The following THSD7A variants were observed in gnomAD, a reference collection of about 807,000 sequenced individuals.
The protein encoded by THSD7A is thrombospondin type-1 domain-containing protein 7A.
Under a neutral mutation model 231.3 loss-of-function variants are expected in THSD7A, and 96 were observed. That is an observed-to-expected ratio of 0.41 (90% CI 0.35 to 0.49). THSD7A has a LOEUF of 0.49. Ranked by LOEUF, THSD7A falls within the 20% of genes least tolerant of loss-of-function variation. The pLI is 0.05. For synonymous variants in THSD7A, 940 were observed against 743.3 expected, an observed-to-expected ratio of 1.26 and a Z score of -4.30; for missense variants, 2,290 against 2,070.2, an observed-to-expected ratio of 1.11 and a Z score of -2.06.
At chr7:11,700,522 T>C (rs183059921) in intron 1 of THSD7A, among the ~76,000 whole-genome samples, 3 of 151,350 alleles carry the variant, frequency 2.0e-5, no homozygotes, top group Admixed American at 2.0e-4. Context: ...AAATACTTAA[T>C]ATATAACAAA....
At chr7:11,530,403 G>A (rs926168036) in intron 6 of THSD7A, among the ~76,000 whole-genome samples, 1 of 152,070 alleles carries the variant, frequency 6.6e-6, no homozygotes, top group African/African-American at 2.4e-5. Flanking sequence ...AATATGTGAT[G>A]TTTAGGGATA....
intron 13 of THSD7A, among the ~76,000 whole-genome samples, chr7:11,429,463 A>C (rs1057506818): frequency 6.6e-6 from 1 of 152,194 alleles, no homozygotes; most frequent in African/African-American, 2.4e-5. Flanking sequence ...ATACATTAAA[A>C]AATTATAACA....
Position 11,459,665 on chromosome 7 carries a change from ATTTTTTTTTTTTTT to A in THSD7A, c.2605+983_2605+996del, listed in dbSNP as rs34415355. Among the ~76,000 whole-genome samples, 54 of 39,922 alleles carry A rather than the reference ATTTTTTTTTTTTTT, an allele frequency of 1.4e-3. 1 individual carries two copies. In the South Asian group the frequency reaches 0.033, roughly 25 times the overall value. The allele number at this position is 39,922 out of a possible 152,430, so 26.2% of individuals were successfully genotyped here. A position where few individuals can be genotyped will look rare whatever the true frequency, so the allele number is the denominator to read the frequency against. On this transcript the variant is annotated intron_variant, in intron 11 of 27. Transcript: ENST00000423059. ...AAAAGGAAGATTATAAAAACAGGGGATTTTTTTTTTTTTTTTTTTTTTTTTTTTTTTTTTTTACA... is the reference window on the plus strand; with the variant it reads ...AAAAGGAAGATTATAAAAACAGGGGATTTTTTTTTTTTTTTTTTTTTTACA...
At chr7:11,701,801 G>T (rs1420439273) in intron 1 of THSD7A, among the ~76,000 whole-genome samples, 1 of 151,162 alleles carries the variant, frequency 6.6e-6, no homozygotes, top group Non-Finnish European at 1.5e-5. Context: ...TCAAATGACT[G>T]TAAACCTTCC....
intron 13 of THSD7A, among the ~76,000 whole-genome samples, chr7:11,441,308 C>T (rs752489966): frequency 1.3e-5 from 2 of 151,816 alleles, no homozygotes; most frequent in Non-Finnish European, 2.9e-5. Flanking sequence ...AATGTAAAGC[C>T]GGATAAAGGG....
chr7:11,407,565 A>G (rs1783628922), intron 19 of THSD7A, 142 bp from the exon 20 acceptor site: 1 of 645,196 alleles, frequency 1.5e-6, no homozygotes, highest in African/African-American at 1.8e-5. Flanking sequence ...ACAAACATCC[A>G]AACTATTGAA....
chr7:11,446,127 A>G lies in THSD7A; in HGVS notation c.2998T>C (p.Tyr1000His). ...DIKECGQGYR[Y>H]QAMACYDQNG... ...TGATCGTAGCATGCCATTGCTTGGTAACGATATCCTTGTCCGCATTCCTTG... is the reference window on the plus strand; with the variant it reads ...TGATCGTAGCATGCCATTGCTTGGTGACGATATCCTTGTCCGCATTCCTTG... The change falls in exon 13 of 28, where the codon TAC becomes CAC. Residue 1000 changes from tyrosine (Y) to histidine (H), a missense_variant. By Grantham distance (83) the Tyr-to-His change is moderately conservative (BLOSUM62 2). Transcript: ENST00000423059. This position sits in a 1 kb window ranked among gnomAD's most constrained non-coding sequence, Gnocchi z 4.0. 1.2e-6 allele frequency: 2 copies of G among 1,613,444 alleles called. No individual in the cohort carries two copies. Among genetic ancestry groups the G allele is most frequent in the Non-Finnish European group, 8.5e-7 (1 of 1,179,606 alleles).
At chr7:11,380,783 A>G (rs1193783061) in intron 24 of THSD7A, among the ~76,000 whole-genome samples, 1 of 152,218 alleles carries the variant, frequency 6.6e-6, no homozygotes, top group Non-Finnish European at 1.5e-5. Flanking sequence ...AGAAGAATGC[A>G]TATAGAGCTT....
intron 26 of THSD7A, among the ~76,000 whole-genome samples, 155 bp from the exon 27 acceptor site, chr7:11,376,812 G>T (rs995732879): frequency 1.6e-4 from 24 of 152,044 alleles, no homozygotes; most frequent in African/African-American, 5.6e-4. Flanking sequence ...ATGCAAAGCT[G>T]CTATTATGAG....
intron 1 of THSD7A, among the ~76,000 whole-genome samples, chr7:11,800,679 C>G (rs1188120683): frequency 6.6e-6 from 1 of 152,144 alleles, no homozygotes; most frequent in Non-Finnish European, 1.5e-5. Context: ...CTAAAGTAGT[C>G]AAATTCATAG....
intron 4 of THSD7A, among the ~76,000 whole-genome samples, chr7:11,571,675 G>T (rs1271337633): frequency 6.6e-6 from 1 of 152,068 alleles, no homozygotes. Flanking sequence ...GCTCACTTTT[G>T]AAGACTATTT....
intron 13 of THSD7A, among the ~76,000 whole-genome samples, chr7:11,433,855 AT>A (rs1332676124): frequency 6.6e-6 from 1 of 152,042 alleles, no homozygotes; most frequent in South Asian, 2.1e-4. Context: ...CAAAACTTTT[AT>A]GTCCGATTTT....
intron 6 of THSD7A, among the ~76,000 whole-genome samples, chr7:11,528,694 A>T (rs1412624002): frequency 1.3e-5 from 2 of 152,208 alleles, no homozygotes; most frequent in African/African-American, 4.8e-5. Context: ...AAGTCAAGAA[A>T]GTCAAGAAAA....
chr7:11,592,428 T>C (rs1384389787), intron 3 of THSD7A, among the ~76,000 whole-genome samples: 1 of 152,232 alleles, frequency 6.6e-6, no homozygotes, highest in Non-Finnish European at 1.5e-5. Flanking sequence ...AGTTGCTTTA[T>C]AAATATCCTA....
intron 1 of THSD7A, among the ~76,000 whole-genome samples, chr7:11,736,511 T>C (rs1466930234): frequency 6.9e-6 from 1 of 145,886 alleles, no homozygotes; most frequent in African/African-American, 2.7e-5. Flanking sequence ...TCAAGACAGG[T>C]AAACATGTTA....
intron 1 of THSD7A, among the ~76,000 whole-genome samples, chr7:11,782,444 G>C (rs556744239): frequency 1.3e-5 from 2 of 152,194 alleles, no homozygotes; most frequent in African/African-American, 4.8e-5. Flanking sequence ...AGAAAAAGCA[G>C]CCATTCTTTC....
chr7:11,646,766 A>G (rs141985656), intron 1 of THSD7A, among the ~76,000 whole-genome samples: 1 of 152,076 alleles, frequency 6.6e-6, no homozygotes, highest in East Asian at 1.9e-4. Flanking sequence ...ATAGTAAGTG[A>G]CATCTTAATA....
At chr7:11,804,281 T>A (rs561215950) in intron 1 of THSD7A, among the ~76,000 whole-genome samples, 37 of 152,280 alleles carry the variant, frequency 2.4e-4, no homozygotes, top group African/African-American at 8.9e-4. Context: ...ATTACATTAG[T>A]AATTAGAGTT....
intron 1 of THSD7A, among the ~76,000 whole-genome samples, chr7:11,641,574 C>T (rs1782082068): frequency 6.6e-6 from 1 of 151,896 alleles, no homozygotes; most frequent in Non-Finnish European, 1.5e-5. Context: ...TCACAGATAA[C>T]ATTGTGGGAT....
Sources: allele counts gnomAD v4.1 joint callset (sites outside exome capture counted in the v4.1 genomes callset), GRCh38; gene constraint gnomAD v4.1.1; non-coding constraint Gnocchi (gnomAD v3.1); transcripts MANE v1.5; gene names NCBI Gene and HGNC (gene_info 2026-07-23, HGNC 2026-07-21).